The following PPP1R17 variants were observed in gnomAD, a reference collection of about 807,000 sequenced individuals.
The protein encoded by PPP1R17 is protein phosphatase 1 regulatory subunit 17, also known as G-substrate.
A neutral mutation model predicts 15.9 loss-of-function variants in PPP1R17; 12 were observed. The ratio of observed to expected loss-of-function variants is 0.75; its 90% CI spans 0.48 to 1.22. PPP1R17 has a LOEUF of 1.22. Among genes scored for constraint, PPP1R17 ranks in the 50% most tolerant of loss-of-function variants. The pLI is 0.00. For missense variants in PPP1R17, 211 were observed against 187.3 expected, an observed-to-expected ratio of 1.13 and a Z score of -0.74; for synonymous variants, 63 against 64.5, an observed-to-expected ratio of 0.98 and a Z score of 0.11.
chr7:31,695,278 G>A (rs982573186), intron 2 of PPP1R17, among the ~76,000 whole-genome samples, 191 bp from the exon 3 acceptor site: 10 of 152,062 alleles, frequency 6.6e-5, no homozygotes, highest in African/African-American at 1.4e-4. Context: ...TCTAGTTTTC[G>A]ATTTTGTTAT....
intron 2 of PPP1R17, among the ~76,000 whole-genome samples, chr7:31,694,970 G>A (rs915492906): frequency 6.6e-6 from 1 of 152,150 alleles, no homozygotes; most frequent in African/African-American, 2.4e-5. Flanking sequence ...CCCAAGGTCT[G>A]GATCACCAGG....
At chr7:31,690,617 TC>T (rs1295450475) in intron 1 of PPP1R17, among the ~76,000 whole-genome samples, 2 of 152,166 alleles carry the variant, frequency 1.3e-5, no homozygotes, top group Non-Finnish European at 2.9e-5. Flanking sequence ...TTAAACTAGG[TC>T]TATTTGACTC....
intron 4 of PPP1R17, among the ~76,000 whole-genome samples, chr7:31,702,248 TA>T (rs769331271): frequency 7.3e-5 from 11 of 151,702 alleles, no homozygotes; most frequent in Non-Finnish European, 1.5e-4. Flanking sequence ...TGTTCCCAAA[TA>T]AGACAAGAAG....
chr7:31,700,471 C>T (rs963518538), intron 4 of PPP1R17, among the ~76,000 whole-genome samples: 2 of 152,142 alleles, frequency 1.3e-5, no homozygotes, highest in African/African-American at 4.8e-5. Flanking sequence ...GGAAAGAAGC[C>T]ATCTCCCATA....
rs1429559132 is a variant in PPP1R17 at position 31,695,489 on chromosome 7, A to T, written c.103A>T (p.Ile35Phe). 2.5e-6 allele frequency: 4 copies of T among 1,611,076 alleles called. No individual in the cohort carries two copies. Among genetic ancestry groups the T allele is most frequent in the South Asian group, 1.1e-5 (1 of 90,440 alleles). Residue 35 changes from isoleucine to phenylalanine, a missense_variant, in exon 3 of 5, where the codon ATT becomes TTT. Ile to Phe is a conservative substitution (Grantham distance 21). Coordinates refer to ENST00000342032, the MANE Select transcript of PPP1R17 (RefSeq NM_006658.5). ...SHLDDLSDQF[I>F]KDCDLKKKPR... ...ATTAGATGATCTTTCAGACCAGTTC[A>T]TTAAGGACTGTGATCTCAAAAAGAA...
At chr7:31,702,820 A>G (rs1035404401) in intron 4 of PPP1R17, among the ~76,000 whole-genome samples, 1 of 152,212 alleles carries the variant, frequency 6.6e-6, no homozygotes, top group African/African-American at 2.4e-5. Flanking sequence ...TTATCTGGCA[A>G]TCACAATTTT....
intron 4 of PPP1R17, among the ~76,000 whole-genome samples, chr7:31,697,661 A>G (rs936422602): frequency 6.6e-6 from 1 of 152,194 alleles, no homozygotes; most frequent in African/African-American, 2.4e-5. Flanking sequence ...AAGTTGGGGA[A>G]TAAGACACGT....
intron 4 of PPP1R17, among the ~76,000 whole-genome samples, chr7:31,697,910 T>G (rs1792669592): frequency 6.6e-6 from 1 of 152,212 alleles, no homozygotes; most frequent in Non-Finnish European, 1.5e-5. Context: ...TCATCTACTT[T>G]AAAGTCTTAT....
At chr7:31,691,132 A>C (rs1792323507) in intron 1 of PPP1R17, among the ~76,000 whole-genome samples, 1 of 152,184 alleles carries the variant, frequency 6.6e-6, no homozygotes, top group Non-Finnish European at 1.5e-5. Context: ...TTCTGAAGTC[A>C]CTCAGTACAA....
In PPP1R17 at chr7:31,702,225, A is replaced by G. The variant is rs147849904; in HGVS notation, c.389-4979A>G. ...CTTATTTATTTTTTTTTTTGCCTCT[A>G]CCAATAGATTGTTGTTCCCAAATAA... On this transcript the variant is annotated intron_variant, in intron 4 of 4. Coordinates refer to ENST00000342032, the MANE Select transcript of PPP1R17 (RefSeq NM_006658.5). Among the ~76,000 whole-genome samples, 84 of 149,038 alleles carry G rather than the reference A, an allele frequency of 5.6e-4. No homozygotes were observed. The East Asian group carries it at 0.014, about 24-fold the overall frequency.
chr7:31,701,096 A>G (rs920245462), intron 4 of PPP1R17, among the ~76,000 whole-genome samples: 1 of 152,160 alleles, frequency 6.6e-6, no homozygotes, highest in Non-Finnish European at 1.5e-5. Context: ...TGTTTTGCAA[A>G]CCTAGAGCTG....
chr7:31,703,443 TG>T (rs1430485464), intron 4 of PPP1R17, among the ~76,000 whole-genome samples: 1 of 151,948 alleles, frequency 6.6e-6, no homozygotes, highest in African/African-American at 2.4e-5. Flanking sequence ...AGAGTTGGGG[TG>T]GGAAGGGGGA....
intron 4 of PPP1R17, among the ~76,000 whole-genome samples, chr7:31,702,592 T>C (rs1001256874): frequency 3.9e-5 from 6 of 152,228 alleles, no homozygotes; most frequent in African/African-American, 1.4e-4. Context: ...AGTCACAGCA[T>C]GCAAATACCC....
In PPP1R17 at chr7:31,687,795, G is replaced by A. The variant is rs527875824; in HGVS notation, c.-37+489G>A. Among the ~76,000 whole-genome samples, 4 of 152,246 alleles carry A rather than the reference G, an allele frequency of 2.6e-5. No individual in the cohort carries two copies. In the South Asian group the frequency reaches 6.2e-4, roughly 24 times the overall value. Reference sequence around the variant, plus strand: ...TGACAATGAATATGTATTTTACATAGCCAGAGGGTGCATTAACGAGATACC... The same window carrying A: ...TGACAATGAATATGTATTTTACATAACCAGAGGGTGCATTAACGAGATACC... On this transcript the variant is annotated intron_variant, in intron 1 of 4. Coordinates refer to ENST00000342032, the MANE Select transcript of PPP1R17 (RefSeq NM_006658.5).
At position 31,692,398 on chromosome 7, in the gene PPP1R17, T is replaced by G. The variant is rs2128238973; in HGVS notation, c.-36-8T>G. 1 of 1,463,954 alleles carries G rather than the reference T, an allele frequency of 6.8e-7. No homozygotes were observed. Among genetic ancestry groups the G allele is most frequent in the East Asian group, 2.3e-5 (1 of 44,090 alleles). 90.7% of individuals were successfully genotyped at this position (1,463,954 alleles called of 1,614,324 possible). A position where few individuals can be genotyped will look rare whatever the true frequency, so the allele number is the denominator to read the frequency against. On this transcript the variant is annotated splice_region_variant and splice_polypyrimidine_tract_variant and intron_variant, in intron 1 of 4. Transcript: ENST00000342032. The stretch of plus-strand genomic sequence containing the variant: ...CATACTTATTAACTGTTTTTTATAC[T>G]TCCTTAGTGCTGGAGAAGAAATACA...
Position 31,695,483 on chromosome 7 carries a change from C to A in PPP1R17, c.97C>A (p.Gln33Lys). 6.2e-7 allele frequency: 1 copy of A among 1,602,706 alleles called. No homozygotes were observed. Among genetic ancestry groups the A allele is most frequent in the Non-Finnish European group, 8.5e-7 (1 of 1,176,072 alleles). Residue 33 changes from glutamine (Q) to lysine (K), a missense_variant, in exon 3 of 5, where the codon CAG becomes AAG. Physicochemically the swap from Gln to Lys is moderately conservative, Grantham distance 53. Transcript: ENST00000342032. ...RCSHLDDLSD[Q>K]FIKDCDLKKK... ...GTCAAAATTAGATGATCTTTCAGAC[C>A]AGTTCATTAAGGACTGTGATCTCAA... is the stretch of plus-strand genomic sequence containing the variant.
At chr7:31,695,396 G>T in intron 2 of PPP1R17, 73 bp from the exon 3 acceptor site, 1 of 1,407,998 alleles carries the variant, frequency 7.1e-7, no homozygotes. Context: ...AGTGCAATTA[G>T]GAACCAAACA....
At chr7:31,694,397 C>CACACACACACACACACACAT (rs1017444345) in intron 2 of PPP1R17, among the ~76,000 whole-genome samples, 36 of 151,676 alleles carry the variant, frequency 2.4e-4, no homozygotes, top group African/African-American at 8.7e-4. Flanking sequence ...AACACACACA[C>CACACACACACACACACACAT]ACACACACAC....
intron 4 of PPP1R17, among the ~76,000 whole-genome samples, chr7:31,703,326 GCTC>G (rs945178321): frequency 6.6e-6 from 1 of 152,224 alleles, no homozygotes; most frequent in Non-Finnish European, 1.5e-5. Context: ...AACGGGTTGA[GCTC>G]TGTTTACCTG....
Sources: allele counts gnomAD v4.1 joint callset (sites outside exome capture counted in the v4.1 genomes callset), GRCh38; gene constraint gnomAD v4.1.1; transcripts MANE v1.5; gene names NCBI Gene and HGNC (gene_info 2026-07-23, HGNC 2026-07-21).